The following CNTNAP2 variants were observed in gnomAD, a reference collection of about 807,000 sequenced individuals.
CNTNAP2 encodes the protein contactin-associated protein-like 2.
A neutral mutation model predicts 155.2 loss-of-function variants in CNTNAP2; 98 were observed. The observed-to-expected ratio is 0.63, with a 90% CI of 0.54 to 0.75. CNTNAP2 has a LOEUF of 0.75. Ranked by LOEUF, CNTNAP2 falls within the 30% of genes least tolerant of loss-of-function variation. CNTNAP2 has a pLI of 0.00. For synonymous variants in CNTNAP2, 651 were observed against 631.2 expected (o/e 1.03, Z -0.47); for missense variants, 1,727 against 1,688.1 (o/e 1.02, Z -0.40).
chr7:146,479,841 G>A (rs1485242124), intron 1 of CNTNAP2, among the ~76,000 whole-genome samples: 1 of 152,082 alleles, frequency 6.6e-6, no homozygotes, highest in Non-Finnish European at 1.5e-5. Flanking sequence ...CTGGAGTGCA[G>A]TGGTGCGATC....
chr7:147,441,813 T>TCTCTCTC (rs1797639871), intron 10 of CNTNAP2, among the ~76,000 whole-genome samples: 10 of 102,114 alleles, frequency 9.8e-5, no homozygotes, highest in South Asian at 9.1e-4. Flanking sequence ...TGTAGTCTCT[T>TCTCTCTC]TCTCTCTCTC....
intron 1 of CNTNAP2, among the ~76,000 whole-genome samples, chr7:146,398,183 A>ATTTTTTTTTTT (rs1795660452): frequency 1.2e-5 from 1 of 83,676 alleles, no homozygotes; most frequent in African/African-American, 7.2e-5. Flanking sequence ...CCGGCCCCAA[A>ATTTTTTTTTTT]CTTTTTTTTT....
At chr7:147,190,069 T>G (rs1802652081) in intron 8 of CNTNAP2, among the ~76,000 whole-genome samples, 2 of 152,026 alleles carry the variant, frequency 1.3e-5, no homozygotes, top group South Asian at 4.1e-4. Context: ...GAAGATATCT[T>G]TACCTTCAAG....
chr7:146,744,962 A>C (rs78513593), intron 1 of CNTNAP2, among the ~76,000 whole-genome samples: 2,339 of 152,302 alleles, frequency 0.015, 61 homozygotes, highest in African/African-American at 0.054. Flanking sequence ...TTTTTAAAAC[A>C]ATCAAGTGGT....
chr7:147,880,081 C>G (rs1318900508), intron 13 of CNTNAP2, among the ~76,000 whole-genome samples: 1 of 152,228 alleles, frequency 6.6e-6, no homozygotes, highest in Non-Finnish European at 1.5e-5. Context: ...CGTTAGCGCT[C>G]ACTCTGGTCC....
intron 15 of CNTNAP2, among the ~76,000 whole-genome samples, chr7:148,052,029 C>A (rs1454402106): frequency 6.6e-6 from 1 of 151,720 alleles, no homozygotes; most frequent in Non-Finnish European, 1.5e-5. Flanking sequence ...GTCCCAGCTG[C>A]TCGGGAGGCT....
intron 1 of CNTNAP2, among the ~76,000 whole-genome samples, chr7:146,369,461 G>A (rs898666728): frequency 4.6e-5 from 7 of 151,944 alleles, no homozygotes; most frequent in Admixed American, 6.6e-5. Flanking sequence ...CCTATGATAC[G>A]GGCATTCTTT....
intron 12 of CNTNAP2, among the ~76,000 whole-genome samples, chr7:147,597,759 AG>A (rs1800852348): frequency 1.3e-5 from 2 of 152,152 alleles, no homozygotes; most frequent in South Asian, 4.1e-4. Flanking sequence ...GCTGGTTGCG[AG>A]TAAGAGTGGG....
chr7:146,181,968 G>C (rs1184922703), intron 1 of CNTNAP2, among the ~76,000 whole-genome samples: 1 of 152,000 alleles, frequency 6.6e-6, no homozygotes, highest in Admixed American at 6.6e-5. Context: ...TTAGCTTAGA[G>C]CTTATATTCC....
chr7:147,053,113 G>T (rs1799501341), intron 4 of CNTNAP2, among the ~76,000 whole-genome samples: 2 of 152,058 alleles, frequency 1.3e-5, no homozygotes. Context: ...TTATTGTAGG[G>T]ATAAGGCTAA....
chr7:147,494,223 A>G (rs1051547907), intron 11 of CNTNAP2, among the ~76,000 whole-genome samples: 1 of 152,128 alleles, frequency 6.6e-6, no homozygotes, highest in Non-Finnish European at 1.5e-5. Context: ...TTGGAAGGGG[A>G]TTTAAAGGCC....
intron 8 of CNTNAP2, among the ~76,000 whole-genome samples, chr7:147,177,375 T>G (rs1398856923): frequency 6.6e-6 from 1 of 152,110 alleles, no homozygotes; most frequent in Non-Finnish European, 1.5e-5. Flanking sequence ...GGGCTTCCCC[T>G]CTTTGATTGG....
chr7:146,550,492 AGAGTTCCTGATTTG>A (rs1197629172), intron 1 of CNTNAP2, among the ~76,000 whole-genome samples: 1 of 148,400 alleles, frequency 6.7e-6, no homozygotes, highest in African/African-American at 2.5e-5. Context: ...CGAAAAACAT[AGAGTTCCTGATTTG>A]GAAATCTTGC....
In CNTNAP2 at chr7:148,164,438, T is replaced by G. The variant is rs116514107; in HGVS notation, c.2774-7804T>G. The stretch of plus-strand genomic sequence containing the variant: ...GCCAGAGAGCCAAGGTCAGGGTGGG[T>G]CACCTAGACACAGAGGAGTCCTAGC... On this transcript the variant is annotated intron_variant, in intron 17 of 23. Transcript: ENST00000361727. Among the ~76,000 whole-genome samples, 1,206 of 152,076 alleles carry G rather than the reference T, an allele frequency of 7.9e-3. 17 individuals carry two copies. Among genetic ancestry groups the G allele is most frequent in the African/African-American group, 0.027 (1,122 of 41,442 alleles).
At chr7:148,047,146 C>T (rs1802789437) in intron 15 of CNTNAP2, among the ~76,000 whole-genome samples, 1 of 152,132 alleles carries the variant, frequency 6.6e-6, no homozygotes, top group Non-Finnish European at 1.5e-5. Context: ...TAACTACTTG[C>T]CATTGGTCAT....
rs116077212 is a variant in CNTNAP2, at chr7:148,406,390, C to T, written c.3716-3001C>T. ...CTAGTAAATATCTCCACCTGGGTGC[C>T]CCATTAGCACCTCCAACTCAATATG... On this transcript the variant is annotated intron_variant, in intron 22 of 23. Coordinates refer to ENST00000361727, the MANE Select transcript of CNTNAP2 (RefSeq NM_014141.6). 5.3e-3 allele frequency among the ~76,000 whole-genome samples: 805 copies of T among 152,232 alleles called. 7 individuals carry two copies. The highest frequency in any genetic ancestry group is 0.018 in the African/African-American group (738 of 41,532).
intron 13 of CNTNAP2, among the ~76,000 whole-genome samples, chr7:147,717,950 A>G (rs1290543072): frequency 6.6e-6 from 1 of 151,704 alleles, no homozygotes; most frequent in African/African-American, 2.4e-5. Context: ...TTTTTTCTGA[A>G]TTCACTCATA....
intron 13 of CNTNAP2, among the ~76,000 whole-genome samples, chr7:147,759,234 A>G (rs761709004): frequency 2.6e-5 from 4 of 152,208 alleles, no homozygotes; most frequent in Non-Finnish European, 5.9e-5. Context: ...TGTTCAATGT[A>G]AAAATAGTAA....
intron 15 of CNTNAP2, among the ~76,000 whole-genome samples, chr7:148,051,904 C>T (rs1047844458): frequency 5.3e-5 from 8 of 152,116 alleles, no homozygotes; most frequent in African/African-American, 1.9e-4. Flanking sequence ...GTTTGGGAGG[C>T]CGAGGCGGGT....
Sources: gnomAD v4.1 joint callset for allele counts (sites outside exome capture counted in the v4.1 genomes callset) on GRCh38, gnomAD v4.1.1 for gene constraint, MANE v1.5 for transcripts, NCBI Gene and HGNC (gene_info 2026-07-23, HGNC 2026-07-21) for gene names.